SLC49A4: variants seen among roughly 807,000 people sequenced by gnomAD.
SLC49A4 encodes disrupted in renal cancer protein 2.
A neutral mutation model predicts 50.6 loss-of-function variants in SLC49A4; 36 were observed. That is an observed-to-expected ratio of 0.71 (90% CI 0.55 to 0.94). The LOEUF (loss-of-function observed/expected upper bound fraction) is 0.94. Ranked by LOEUF, SLC49A4 falls within the 40% of genes least tolerant of loss-of-function variation. The pLI is 0.00. For missense variants in SLC49A4, 503 were observed against 605.7 expected (o/e 0.83, Z 1.78); for synonymous variants, 248 against 241.2 (o/e 1.03, Z -0.26).
chr3:122,879,384 C>T lies in SLC49A4; in HGVS notation c.*6C>T, dbSNP rs1937305943. On this transcript the variant is annotated 3_prime_UTR_variant, in exon 9 of 9. Transcript: ENST00000261038. ...ATGTGGTTGTCTCCGTTTAATAGCA[C>T]AGACTTGAAGGAGTTTAAAAGGAGG... 6.2e-7 allele frequency: 1 copy of T among 1,604,468 alleles called. No individual in the cohort carries two copies. The highest frequency in any genetic ancestry group is 1.3e-5 in the African/African-American group (1 of 74,710).
chr3:122,840,772 C>A (rs576915306), intron 4 of SLC49A4, among the ~76,000 whole-genome samples: 11 of 152,170 alleles, frequency 7.2e-5, no homozygotes, highest in African/African-American at 2.6e-4. Flanking sequence ...AAAAAGTATG[C>A]ATTGAGCAAT....
At chr3:122,824,028 A>G (rs1016609591) in intron 2 of SLC49A4, among the ~76,000 whole-genome samples, 1 of 152,210 alleles carries the variant, frequency 6.6e-6, no homozygotes, top group African/African-American at 2.4e-5. Flanking sequence ...GGAAAACTAC[A>G]AAGTGCTGGG....
At chr3:122,847,199 C>G (rs1936864846) in intron 5 of SLC49A4, among the ~76,000 whole-genome samples, 1 of 151,726 alleles carries the variant, frequency 6.6e-6, no homozygotes, top group Non-Finnish European at 1.5e-5. Context: ...GTTTGGAGAT[C>G]TATCCTTATA....
At chr3:122,833,486 C>A in intron 4 of SLC49A4, 40 bp downstream of exon 4, 1 of 1,538,560 alleles carries the variant, frequency 6.5e-7, no homozygotes, top group Non-Finnish European at 8.8e-7. Context: ...TTGACTGACA[C>A]CTTCAAGGTA....
intron 2 of SLC49A4, among the ~76,000 whole-genome samples, chr3:122,826,543 T>C (rs1160539089): frequency 6.6e-6 from 1 of 152,214 alleles, no homozygotes; most frequent in East Asian, 1.9e-4. Context: ...TAGTTTGATG[T>C]GTGGCACAAA....
intron 4 of SLC49A4, among the ~76,000 whole-genome samples, chr3:122,838,685 A>C (rs1936727056): frequency 6.6e-6 from 1 of 152,062 alleles, no homozygotes; most frequent in Non-Finnish European, 1.5e-5. Flanking sequence ...GTGCACATGT[A>C]CCCTAAAACT....
intron 5 of SLC49A4, among the ~76,000 whole-genome samples, chr3:122,853,228 T>G (rs1041917322): frequency 6.6e-6 from 1 of 152,150 alleles, no homozygotes; most frequent in Non-Finnish European, 1.5e-5. Flanking sequence ...CTTCAACCTC[T>G]TTTATAAGGG....
intron 4 of SLC49A4, among the ~76,000 whole-genome samples, chr3:122,839,479 A>G (rs1019226121): frequency 6.6e-6 from 1 of 152,202 alleles, no homozygotes; most frequent in South Asian, 2.1e-4. Context: ...AAATATTTGC[A>G]AACTCTGTAT....
chr3:122,799,521 G>A (rs1210559348), intron 1 of SLC49A4, among the ~76,000 whole-genome samples: 1 of 152,182 alleles, frequency 6.6e-6, no homozygotes, highest in African/African-American at 2.4e-5. Context: ...AGGTCAGAGA[G>A]GTGGTGAGAG....
intron 4 of SLC49A4, among the ~76,000 whole-genome samples, chr3:122,834,909 A>G (rs1396219175): frequency 6.6e-6 from 1 of 152,154 alleles, no homozygotes; most frequent in African/African-American, 2.4e-5. Context: ...ATCATTCAAG[A>G]CTACTATGAA....
intron 3 of SLC49A4, among the ~76,000 whole-genome samples, chr3:122,827,446 T>G (rs539519590): frequency 3.3e-5 from 5 of 152,226 alleles, no homozygotes; most frequent in Non-Finnish European, 7.3e-5. Flanking sequence ...GTTAAGCCCG[T>G]TTTCTCCCTT....
At chr3:122,811,112 A>G (rs1361093331) in intron 2 of SLC49A4, among the ~76,000 whole-genome samples, 3 of 152,244 alleles carry the variant, frequency 2.0e-5, no homozygotes, top group African/African-American at 4.8e-5. Context: ...ATGATTGAAT[A>G]TACTATAAAA....
At chr3:122,822,435 A>T (rs1936467230) in intron 2 of SLC49A4, among the ~76,000 whole-genome samples, 1 of 152,120 alleles carries the variant, frequency 6.6e-6, no homozygotes, top group African/African-American at 2.4e-5. Flanking sequence ...GCTAATTTTT[A>T]TTCCTGCATC....
At chr3:122,864,685 T>C (rs1010942022) in intron 7 of SLC49A4, among the ~76,000 whole-genome samples, 8 of 152,062 alleles carry the variant, frequency 5.3e-5, no homozygotes, top group African/African-American at 1.9e-4. Flanking sequence ...ACTTCAAGTG[T>C]TATTTAAAGA....
Position 122,852,073 on chromosome 3 carries a change from C to T in SLC49A4, c.943-4234C>T, listed in dbSNP as rs1396884162. On this transcript the variant is annotated intron_variant, in intron 5 of 8. Coordinates refer to ENST00000261038, the MANE Select transcript of SLC49A4 (RefSeq NM_032839.3). Reference sequence around the variant, plus strand: ...CAGCGGCGTGATCAGCTCACTGCAACCTCTGCCTTCTGGGTTCAAGCAGTC... The same window carrying T: ...CAGCGGCGTGATCAGCTCACTGCAATCTCTGCCTTCTGGGTTCAAGCAGTC... Among the ~76,000 whole-genome samples the T allele has an allele frequency of 2.0e-5, 3 of 149,464 alleles. No individual in the cohort carries two copies. In the East Asian group the frequency reaches 6.0e-4, roughly 30 times the overall value.
In SLC49A4 at chr3:122,836,242, A is replaced by G. The variant is rs532891955; in HGVS notation, c.833+2796A>G. 3.7e-4 allele frequency among the ~76,000 whole-genome samples: 57 copies of G among 152,164 alleles called. 1 individual carries two copies. Among genetic ancestry groups the G allele is most frequent in the African/African-American group, 1.4e-3 (57 of 41,526 alleles). ...TTTGTCAAAGGCCTTTTCTGCATCT[A>G]TTGAGATAATCATGTGGTTTTTGTC... On this transcript the variant is annotated intron_variant, in intron 4 of 8. Transcript: ENST00000261038.
At chr3:122,872,689 C>A in intron 8 of SLC49A4, 92 bp downstream of exon 8, 2 of 845,038 alleles carry the variant, frequency 2.4e-6, no homozygotes, top group Non-Finnish European at 1.7e-6. Flanking sequence ...GGAGAAGTCT[C>A]ACCAAGGCAA....
intron 1 of SLC49A4, among the ~76,000 whole-genome samples, chr3:122,803,668 T>C (rs1042102622): frequency 5.3e-5 from 8 of 152,164 alleles, no homozygotes; most frequent in African/African-American, 1.9e-4. Context: ...CCAGGTGAGC[T>C]CTGTGCCTGT....
At chr3:122,800,661 T>C (rs1330773928) in intron 1 of SLC49A4, among the ~76,000 whole-genome samples, 1 of 152,174 alleles carries the variant, frequency 6.6e-6, no homozygotes, top group African/African-American at 2.4e-5. Context: ...AGGGCACAGG[T>C]AGACAAGTTG....
Sources: gnomAD v4.1 joint callset for allele counts (sites outside exome capture counted in the v4.1 genomes callset) on GRCh38, gnomAD v4.1.1 for gene constraint, MANE v1.5 for transcripts, NCBI Gene and HGNC (gene_info 2026-07-23, HGNC 2026-07-21) for gene names.